The following MACIR variants were observed in gnomAD, a reference collection of about 807,000 sequenced individuals.
MACIR encodes UNC119-binding protein C5orf30.
A neutral mutation model predicts 14.3 loss-of-function variants in MACIR; 4 were observed. The ratio of observed to expected loss-of-function variants is 0.28; its 90% CI spans 0.14 to 0.64. The LOEUF (loss-of-function observed/expected upper bound fraction) is 0.64, where lower values mean the gene tolerates loss of function less well. Ranked by LOEUF, MACIR falls within the 30% of genes least tolerant of loss-of-function variation. The pLI is 0.83. For synonymous variants in MACIR, 101 were observed against 102.4 expected, an observed-to-expected ratio of 0.99 and a Z score of 0.08; for missense variants, 228 against 257.6, an observed-to-expected ratio of 0.89 and a Z score of 0.79.
intron 1 of MACIR, among the ~76,000 whole-genome samples, chr5:103,262,131 G>T (rs1804751726): frequency 6.6e-6 from 1 of 152,088 alleles, no homozygotes; most frequent in Non-Finnish European, 1.5e-5. Flanking sequence ...TGCCATTCAG[G>T]TTTACTGTTA....
At position 103,276,109 on chromosome 5, in the gene MACIR, T is replaced by G; in HGVS notation, c.190T>G (p.Phe64Val). Residue 64 changes from phenylalanine to valine, a missense_variant, in exon 3 of 3, where the codon TTC becomes GTC. Physicochemically the swap from Phe to Val is conservative, Grantham distance 50. Coordinates refer to ENST00000319933, the MANE Select transcript of MACIR (RefSeq NM_033211.4). ...LHMDSNYLVG[F>V]TTGEELLKLA... The stretch of plus-strand genomic sequence containing the variant: ...CATGGACTCTAACTATTTGGTTGGC[T>G]TCACGACTGGCGAGGAACTCCTGAA... 6.2e-7 allele frequency: 1 copy of G among 1,614,028 alleles called. No individual in the cohort carries two copies. Among genetic ancestry groups the G allele is most frequent in the South Asian group, 1.1e-5 (1 of 91,080 alleles).
intron 1 of MACIR, among the ~76,000 whole-genome samples, chr5:103,265,300 A>G (rs1397280393): frequency 6.6e-6 from 1 of 152,170 alleles, no homozygotes; most frequent in Non-Finnish European, 1.5e-5. Context: ...TATGGCTACA[A>G]TGAGTCGATA....
chr5:103,276,402 G>A lies in MACIR; in HGVS notation c.483G>A (p.Lys161=), dbSNP rs782206637. The change falls in exon 3 of 3, where the codon AAG becomes AAA. Residue 161 remains lysine (K), a synonymous_variant. Transcript: ENST00000319933. ...TGCCTCTTTGTCTTCTTAAAGGTAA[G>A]AGGGCTCACTCCAAATCTCTGGACT... ...GPLPLCLLKG[K]RAHSKSLDYL... 1.2e-6 allele frequency: 2 copies of A among 1,613,834 alleles called. No individual in the cohort carries two copies.
Position 103,277,139 on chromosome 5 carries a change from T to A in MACIR, c.*599T>A, listed in dbSNP as rs115375913. 6.4e-3 allele frequency: 1,068 copies of A among 167,232 alleles called. 17 individuals are homozygous for A. Among genetic ancestry groups the A allele is most frequent in the African/African-American group, 0.025 (1,026 of 41,578 alleles). 10.4% of individuals were successfully genotyped at this position (167,232 alleles called of 1,614,324 possible). A position where few individuals can be genotyped will look rare whatever the true frequency, so the allele number is the denominator to read the frequency against. Reference sequence around the variant, plus strand: ...CTCAATAATGTTATTGAGCAATGAATTTTTTATTTCCGCATGGAAAGTTAT... The same window carrying A: ...CTCAATAATGTTATTGAGCAATGAAATTTTTATTTCCGCATGGAAAGTTAT... On this transcript the variant is annotated 3_prime_UTR_variant, in exon 3 of 3. Transcript: ENST00000319933.
At chr5:103,261,690 CTTTCTTTCTTTCTTCCTTTCTTT>C (rs1804721718) in intron 1 of MACIR, among the ~76,000 whole-genome samples, 3 of 120,146 alleles carry the variant, frequency 2.5e-5, no homozygotes, top group Admixed American at 8.3e-5. Flanking sequence ...TTCTTTCTTT[CTTTCTTTCTTTCTTCCTTTCTTT>C]CTTTCTTTCT....
chr5:103,271,995 A>G lies in MACIR; in HGVS notation c.-23-3902A>G, dbSNP rs558205216. On this transcript the variant is annotated intron_variant, in intron 2 of 2. Coordinates refer to ENST00000319933, the MANE Select transcript of MACIR (RefSeq NM_033211.4). ...GACCTGATTTCTTGACTCACAGGTT[A>G]TTCTTATTGATGTAGTGGGAAGTGT... Among the ~76,000 whole-genome samples, 5 of 152,264 alleles carry G rather than the reference A, an allele frequency of 3.3e-5. No individual in the cohort carries two copies. In the South Asian group the frequency reaches 1.0e-3, roughly 32 times the overall value.
intron 2 of MACIR, among the ~76,000 whole-genome samples, chr5:103,272,221 G>A (rs1042385042): frequency 5.9e-5 from 9 of 152,114 alleles, no homozygotes; most frequent in African/African-American, 2.2e-4. Context: ...GCTAAACACA[G>A]GCCATCTCTA....
intron 1 of MACIR, chr5:103,259,196 G>A (rs1804566058): frequency 6.6e-6 from 1 of 152,536 alleles, no homozygotes; most frequent in East Asian, 1.9e-4. Flanking sequence ...GGTAAACTGG[G>A]TGGGGCCCGC....
chr5:103,275,349 A>G (rs1206492752), intron 2 of MACIR, among the ~76,000 whole-genome samples: 1 of 152,208 alleles, frequency 6.6e-6, no homozygotes, highest in African/African-American at 2.4e-5. Flanking sequence ...TCTAAATTGG[A>G]TTCCTTGCAG....
intron 2 of MACIR, among the ~76,000 whole-genome samples, chr5:103,266,325 G>A (rs1804921705): frequency 1.3e-5 from 2 of 152,008 alleles, no homozygotes; most frequent in Admixed American, 6.6e-5. Context: ...CCAATTTGGG[G>A]CAAATTTTAG....
chr5:103,266,903 C>T (rs951455550), intron 2 of MACIR, among the ~76,000 whole-genome samples: 4 of 151,966 alleles, frequency 2.6e-5, no homozygotes, highest in South Asian at 2.1e-4. Context: ...AATGCATTTT[C>T]GAACATTGGA....
At chr5:103,261,901 A>G (rs1242427913) in intron 1 of MACIR, among the ~76,000 whole-genome samples, 3 of 152,084 alleles carry the variant, frequency 2.0e-5, no homozygotes, top group African/African-American at 7.2e-5. Context: ...TTTATTTACC[A>G]ATATTTGAAA....
At chr5:103,263,836 C>G (rs139634735) in intron 1 of MACIR, among the ~76,000 whole-genome samples, 1 of 152,220 alleles carries the variant, frequency 6.6e-6, no homozygotes, top group East Asian at 1.9e-4. Flanking sequence ...GATATCCAAC[C>G]ATATAACCAG....
Position 103,276,048 on chromosome 5 carries a change from G to A in MACIR, c.129G>A (p.Pro43=), listed in dbSNP as rs139004073. The change falls in exon 3 of 3, where the codon CCG becomes CCA. Residue 43 remains proline, a synonymous_variant. Coordinates refer to ENST00000319933, the MANE Select transcript of MACIR (RefSeq NM_033211.4). ...KPRCSSTPCS[P]MRRTVSGYQI... ...GCTGCTCCAGCACACCCTGCTCCCCGATGCGGAGGACCGTGTCAGGCTACC... is the reference window on the plus strand; with the variant it reads ...GCTGCTCCAGCACACCCTGCTCCCCAATGCGGAGGACCGTGTCAGGCTACC... The A allele has an allele frequency of 2.7e-5, 43 of 1,613,976 alleles. No individual in the cohort carries two copies. Among genetic ancestry groups the A allele is most frequent in the Middle Eastern group, 1.6e-4 (1 of 6,084 alleles).
intron 2 of MACIR, among the ~76,000 whole-genome samples, chr5:103,274,033 T>G (rs1805231499): frequency 6.6e-6 from 1 of 152,114 alleles, no homozygotes; most frequent in African/African-American, 2.4e-5. Flanking sequence ...TTTGCCTCAC[T>G]GACCCTCCTT....
intron 2 of MACIR, among the ~76,000 whole-genome samples, chr5:103,272,945 T>C (rs1805189031): frequency 6.6e-6 from 1 of 152,188 alleles, no homozygotes; most frequent in South Asian, 2.1e-4. Context: ...CAAACAGTTT[T>C]CCAGCTCTGA....
intron 1 of MACIR, among the ~76,000 whole-genome samples, chr5:103,261,702 CTTCCTTTCTTT>C (rs1562545903): frequency 2.0e-4 from 20 of 100,686 alleles, no homozygotes; most frequent in African/African-American, 7.3e-4. Context: ...TTCTTTCTTT[CTTCCTTTCTTT>C]CTTTCTTTCT....
chr5:103,270,077 TCTC>T (rs1385200836), intron 2 of MACIR, among the ~76,000 whole-genome samples: 2 of 152,158 alleles, frequency 1.3e-5, no homozygotes, highest in Non-Finnish European at 2.9e-5. Flanking sequence ...AAGTACATCA[TCTC>T]CTTTCTTCTT....
chr5:103,261,367 G>A (rs1218506556), intron 1 of MACIR, among the ~76,000 whole-genome samples: 1 of 152,186 alleles, frequency 6.6e-6, no homozygotes, highest in Non-Finnish European at 1.5e-5. Context: ...TCTAAGATGA[G>A]CATCTAGGTG....
Sources: allele counts gnomAD v4.1 joint callset (sites outside exome capture counted in the v4.1 genomes callset), GRCh38; gene constraint gnomAD v4.1.1; transcripts MANE v1.5; gene names NCBI Gene and HGNC (gene_info 2026-07-23, HGNC 2026-07-21).